Variants in RTL9 observed in about 807,000 individuals in gnomAD.
The protein encoded by RTL9 is retrotransposon Gag like 9, also known as retrotransposon Gag-like protein 9.
In RTL9, 19 loss-of-function variants were observed where a neutral mutation model predicts 44.7. The observed-to-expected ratio is 0.42, with a 90% confidence interval of 0.30 to 0.62. The LOEUF (loss-of-function observed/expected upper bound fraction) is 0.62. Ranked by LOEUF, RTL9 falls within the 20% of genes least tolerant of loss-of-function variation. RTL9 has a pLI of 0.16. For synonymous variants in RTL9, 407 were observed against 398.9 expected (o/e 1.02, Z -0.24); for missense variants, 1,105 against 1,080.6 (o/e 1.02, Z -0.32).
At chrX:110,431,323 CTGTGTG>C (rs759432836) in intron 1 of RTL9, among the ~76,000 whole-genome samples, 1 of 94,945 alleles carries the variant, frequency 1.1e-5, no homozygotes, top group Non-Finnish European at 2.1e-5. Context: ...GAGGGGAAGG[CTGTGTG>C]TGTGTGTGTG....
chrX:110,414,040 GTT>G (rs1169808354), intron 1 of RTL9, among the ~76,000 whole-genome samples: 1 of 111,845 alleles, frequency 8.9e-6, no homozygotes, highest in East Asian at 2.8e-4. Flanking sequence ...AGTCAGGTCT[GTT>G]TGCTTTCAGA....
intron 1 of RTL9, among the ~76,000 whole-genome samples, chrX:110,387,321 G>A (rs2068462615): frequency 1.8e-5 from 2 of 112,063 alleles, no homozygotes; most frequent in African/African-American, 6.5e-5. Flanking sequence ...TTACAGACAC[G>A]TTTGGTTTGG....
chrX:110,426,040 T>C (rs1332941494), intron 1 of RTL9, among the ~76,000 whole-genome samples: 1 of 112,062 alleles, frequency 8.9e-6, no homozygotes, highest in Non-Finnish European at 1.9e-5. Context: ...TGGCCCTTGC[T>C]CTCCAGGGGT....
intron 1 of RTL9, among the ~76,000 whole-genome samples, chrX:110,425,014 G>A (rs754593342): frequency 1.3e-4 from 14 of 111,771 alleles, no homozygotes; most frequent in Non-Finnish European, 2.3e-4. Context: ...GTAATGTCTA[G>A]GTCACACAGC....
At chrX:110,396,808 G>A (rs1245029265) in intron 1 of RTL9, among the ~76,000 whole-genome samples, 3 of 112,122 alleles carry the variant, frequency 2.7e-5, no homozygotes, top group Non-Finnish European at 3.8e-5. Context: ...GAAGGGACTC[G>A]TGTCCTGGGG....
upstream of RTL9, among the ~76,000 whole-genome samples, chrX:110,447,869 C>T (rs770481180): frequency 9.9e-5 from 11 of 111,582 alleles, no homozygotes; most frequent in South Asian, 4.2e-3. Flanking sequence ...ACCAATTCTC[C>T]CCTTAGACTG....
chrX:110,409,787 C>T (rs2068628988), intron 1 of RTL9, among the ~76,000 whole-genome samples: 1 of 111,452 alleles, frequency 9.0e-6, no homozygotes, highest in African/African-American at 3.3e-5. Flanking sequence ...AATGGGCTCC[C>T]ACTTAGCAAG....
rs754977195 is a variant in RTL9, at chrX:110,451,752, A to C, written c.1135A>C (p.Asn379His). 7 of 1,211,371 alleles carry C rather than the reference A, an allele frequency of 5.8e-6. No homozygotes were observed. The East Asian group carries it at 2.1e-4, about 36-fold the overall frequency. Residue 379 changes from asparagine (N) to histidine (H), a missense_variant, in exon 1 of 2, where the codon AAT (asparagine) becomes CAT (histidine). Transcript: ENST00000540313. ...GGCGATGTCCCCATGGTCAACACAAAATGTAGACTCTGAAATGATGTCTAA... is the reference window on the plus strand; with the variant it reads ...GGCGATGTCCCCATGGTCAACACAACATGTAGACTCTGAAATGATGTCTAA...
In RTL9 at chrX:110,452,607, G is replaced by A. The variant is rs1264838917; in HGVS notation, c.1990G>A (p.Gly664Arg). The change falls in exon 1 of 2, where the codon GGA (glycine) becomes AGA (arginine). Residue 664 changes from glycine to arginine, a missense_variant. By Grantham distance (125) the Gly-to-Arg change is moderately radical. Coordinates refer to ENST00000540313, the Ensembl canonical transcript of RTL9. ...GCCGCAAATGACAGACACAGCCTCT[G>A]GAGGGTTGTCTGCATCGCTAATGAG... The A allele has an allele frequency of 2.5e-6, 3 of 1,210,287 alleles. No individual in the cohort carries two copies. The African/African-American group carries it at 5.2e-5, about 21-fold the overall frequency.
intron 1 of RTL9, among the ~76,000 whole-genome samples, chrX:110,419,887 G>A (rs1165207435): frequency 8.9e-6 from 1 of 112,230 alleles, no homozygotes; most frequent in African/African-American, 3.2e-5. Context: ...TATGTGCCAG[G>A]AACTGTTCTA....
intron 1 of RTL9, among the ~76,000 whole-genome samples, chrX:110,384,434 A>T (rs545175448): frequency 8.9e-6 from 1 of 111,960 alleles, no homozygotes; most frequent in South Asian, 3.7e-4. Context: ...TATTTTAAGA[A>T]TTAAATAACT....
chrX:110,409,522 G>A (rs1319418275), intron 1 of RTL9, among the ~76,000 whole-genome samples: 1 of 111,734 alleles, frequency 8.9e-6, no homozygotes, highest in Non-Finnish European at 1.9e-5. Flanking sequence ...GGATACCAGG[G>A]AAAATGAGGC....
intron 1 of RTL9, among the ~76,000 whole-genome samples, chrX:110,402,167 G>C (rs1436255325): frequency 8.9e-6 from 1 of 112,699 alleles, no homozygotes; most frequent in African/African-American, 3.2e-5. Flanking sequence ...AGAGTCCCTT[G>C]CTCTGAGGAA....
intron 1 of RTL9, among the ~76,000 whole-genome samples, chrX:110,422,339 T>G (rs1204613201): frequency 2.7e-5 from 3 of 112,851 alleles, no homozygotes; most frequent in Non-Finnish European, 3.7e-5. Flanking sequence ...TGCCACTCAG[T>G]GTAACCACAG....
intron 1 of RTL9, among the ~76,000 whole-genome samples, chrX:110,371,626 C>T (rs1280118375): frequency 9.0e-6 from 1 of 111,193 alleles, no homozygotes; most frequent in African/African-American, 3.3e-5. Context: ...AAGGCACTAA[C>T]AGGGGACTGG....
At chrX:110,397,208 T>C (rs918432526) in intron 1 of RTL9, among the ~76,000 whole-genome samples, 1 of 111,230 alleles carries the variant, frequency 9.0e-6, no homozygotes, top group South Asian at 3.8e-4. Flanking sequence ...TTGATCTCCA[T>C]GTCTAATTCT....
chrX:110,429,881 C>T (rs1185291130), intron 1 of RTL9, among the ~76,000 whole-genome samples: 1 of 112,361 alleles, frequency 8.9e-6, no homozygotes, highest in African/African-American at 3.2e-5. Context: ...TTTTATATCA[C>T]CTAATTGCAA....
chrX:110,454,093 G>A lies in RTL9; in HGVS notation c.3476G>A (p.Arg1159Gln), dbSNP rs181682805. The A allele has an allele frequency of 1.7e-6, 2 of 1,210,527 alleles. No individual in the cohort carries two copies. The highest frequency in any genetic ancestry group is 3.0e-5 in the East Asian group (1 of 33,785). The change falls in exon 1 of 2, where the codon CGG (arginine) becomes CAG (glutamine). Residue 1159 changes from arginine (R) to glutamine (Q), a missense_variant. Arg to Gln is a conservative substitution (Grantham distance 43). Coordinates refer to ENST00000540313, the Ensembl canonical transcript of RTL9. ...CTCTTAGAAGAGCAGGAAGCAGCCC[G>A]GGGCTCATGCTCTGTGGAGGAAGAG...
chrX:110,446,489 G>C (rs1216321396), upstream of RTL9, among the ~76,000 whole-genome samples: 6 of 110,542 alleles, frequency 5.4e-5, no homozygotes, highest in African/African-American at 1.6e-4. Context: ...AAGAACCCTA[G>C]GGAAACATAT....
Sources: allele counts gnomAD v4.1 joint callset (sites outside exome capture counted in the v4.1 genomes callset), GRCh38; gene constraint gnomAD v4.1.1; transcripts MANE v1.5; gene names NCBI Gene and HGNC (gene_info 2026-07-23, HGNC 2026-07-21).